Variants in GBP4 observed in about 807,000 individuals in gnomAD.
The protein encoded by GBP4 is guanylate-binding protein 4.
In GBP4, 69 loss-of-function variants were observed where a neutral mutation model predicts 62.2. The observed-to-expected ratio is 1.11, with a 90% CI of 0.91 to 1.36. GBP4 has a LOEUF of 1.36. Among genes scored for constraint, GBP4 ranks in the 40% most tolerant of loss-of-function variants. The pLI, the probability that GBP4 is intolerant of heterozygous loss-of-function variation, is 0.00. For missense variants in GBP4, 697 were observed against 759.3 expected (o/e 0.92, Z 0.96); for synonymous variants, 278 against 274.6 (o/e 1.01, Z -0.12).
rs1647905035 is a variant in GBP4, at chr1:89,182,351, A to T, written c.*2903T>A. Reference sequence around the variant, plus strand: ...AGGGTCATGATTGATTTGAGCAAACAGGCGGTACATGACAGGGGCTGCATG... The same window carrying T: ...AGGGTCATGATTGATTTGAGCAAACTGGCGGTACATGACAGGGGCTGCATG... On this transcript the variant is annotated 3_prime_UTR_variant, in exon 11 of 11. Transcript: ENST00000355754. The T allele has an allele frequency of 6.6e-6, 1 of 152,248 alleles. No homozygotes were observed. Among genetic ancestry groups the T allele is most frequent in the South Asian group, 2.1e-4 (1 of 4,828 alleles). The allele number at this position is 152,248 out of a possible 1,614,324, so 9.4% of individuals were successfully genotyped here. A position where few individuals can be genotyped will look rare whatever the true frequency, so the allele number is the denominator to read the frequency against.
In GBP4 at chr1:89,191,320, T is replaced by G. The variant is rs1394514147; in HGVS notation, c.857A>C (p.Tyr286Ser). 3.2e-5 allele frequency: 52 copies of G among 1,614,090 alleles called. No homozygotes were observed. The highest frequency in any genetic ancestry group is 4.4e-5 in the Non-Finnish European group (52 of 1,180,034). ...FLMQSDNFCS[Y>S]IFTHAKTKTL... The stretch of plus-strand genomic sequence containing the variant: ...CTTGGTCTTTGCATGGGTGAAGATA[T>G]AAGAACAGAAGTTGTCTGATTGCAT... The change falls in exon 6 of 11, where the codon TAT becomes TCT. Residue 286 changes from tyrosine to serine, a missense_variant. Physicochemically the swap from Tyr to Ser is moderately radical, Grantham distance 144 (BLOSUM62 -2). Around this residue, in one of 2 missense-constraint regions of GBP4, gnomAD observed 556 missense variants for 562.7 expected, o/e 0.99. Coordinates refer to ENST00000355754, the MANE Select transcript of GBP4 (RefSeq NM_052941.5).
At position 89,191,261 on chromosome 1, in the gene GBP4, G is replaced by T; in HGVS notation, c.916C>A (p.Arg306=). 6.2e-7 allele frequency: 1 copy of T among 1,610,948 alleles called. No individual in the cohort carries two copies. ...TGCTTTGGGACAAAAAAAGACTCAC[G>T]CTTTCCAGTGACAATGATTCCCTCT... is the stretch of plus-strand genomic sequence containing the variant. ...LREGIIVTGK[R]LGTLVVTYVD... The change falls in exon 6 of 11, where the codon CGG becomes AGG. Residue 306 remains arginine, a splice_region_variant and synonymous_variant. Coordinates refer to ENST00000355754, the MANE Select transcript of GBP4 (RefSeq NM_052941.5).
At chr1:89,198,493 T>C (rs536042478) in intron 1 of GBP4, among the ~76,000 whole-genome samples, 2 of 151,800 alleles carry the variant, frequency 1.3e-5, no homozygotes, top group Non-Finnish European at 2.9e-5. Flanking sequence ...TAGATGATGG[T>C]ATTTCGCAGG....
At chr1:89,196,264 G>A (rs1648339418) in intron 2 of GBP4, among the ~76,000 whole-genome samples, 1 of 152,180 alleles carries the variant, frequency 6.6e-6, no homozygotes. Flanking sequence ...ATAGTAACTA[G>A]AGAAAACTTA....
rs1422706317 is a variant in GBP4, at chr1:89,184,349, A to G, written c.*905T>C. ...AATCCCATTATTCCCAAAGGAATGC[A>G]TATCCCAAGGAAATATAAATCATTG... On this transcript the variant is annotated 3_prime_UTR_variant, in exon 11 of 11. Transcript: ENST00000355754. The G allele has an allele frequency of 6.6e-6, 1 of 152,218 alleles. No individual in the cohort carries two copies. The highest frequency in any genetic ancestry group is 1.5e-5 in the Non-Finnish European group (1 of 68,026). 9.4% of individuals were successfully genotyped at this position (152,218 alleles called of 1,614,324 possible).
intron 3 of GBP4, 88 bp from the exon 4 acceptor site, chr1:89,193,500 T>C: frequency 8.5e-7 from 1 of 1,180,368 alleles, no homozygotes; most frequent in Non-Finnish European, 1.2e-6. Context: ...ATTTCAGCTG[T>C]ATGATAGTTG....
intron 3 of GBP4, 135 bp downstream of exon 3, chr1:89,195,162 T>A (rs775346847): frequency 9.0e-6 from 8 of 886,480 alleles, no homozygotes; most frequent in African/African-American, 1.7e-5. Flanking sequence ...AATAAGGAAG[T>A]CTGAGGAAAC....
At position 89,188,703 on chromosome 1, in the gene GBP4, T is replaced by C. The variant is rs1419587711; in HGVS notation, c.1289A>G (p.Glu430Gly). ...TCTCAAAATGCTTTCTGTCAGGTGC[T>C]CTGAAAGCCGCTTAAGCTCAGCCTG... Reference protein sequence around the residue: ...YCQAELKRLSEHLTESILRGI... With the variant: ...YCQAELKRLSGHLTESILRGI... The change falls in exon 8 of 11, where the codon GAG becomes GGG. Residue 430 changes from glutamate (E) to glycine (G), a missense_variant. Glu to Gly is a moderately conservative substitution (Grantham distance 98, BLOSUM62 -2). This residue lies in a region of GBP4 where 556 missense variants were observed against 562.7 expected (regional missense o/e 0.99). Transcript: ENST00000355754. 6.2e-7 allele frequency: 1 copy of C among 1,614,248 alleles called. No individual in the cohort carries two copies. Among genetic ancestry groups the C allele is most frequent in the South Asian group, 1.1e-5 (1 of 91,086 alleles).
intron 8 of GBP4, among the ~76,000 whole-genome samples, chr1:89,188,286 G>A (rs1226668912): frequency 1.3e-5 from 2 of 152,062 alleles, no homozygotes; most frequent in African/African-American, 4.8e-5. Flanking sequence ...AAACATAGTT[G>A]TTTGCTTCAT....
Position 89,186,387 on chromosome 1 carries a change from C to T in GBP4, c.1653G>A (p.Glu551=). ...YMAQMEKKLE[E]ERENLLREHE... is the part of the protein sequence containing the mutation. ...GCTCTCTGAGAAGGTTTTCCCTTTC[C>T]TCCTCCAACTTCTTCTCCATTTGGG... Residue 551 remains glutamate, a synonymous_variant, in exon 10 of 11, where the codon GAG becomes GAA. Transcript: ENST00000355754. The T allele has an allele frequency of 6.7e-7, 1 of 1,499,386 alleles. No individual in the cohort carries two copies. Among genetic ancestry groups the T allele is most frequent in the Non-Finnish European group, 9.3e-7 (1 of 1,074,500 alleles). The allele number at this position is 1,499,386 out of a possible 1,614,324, so 92.9% of individuals were successfully genotyped here.
chr1:89,191,480 T>G lies in GBP4; in HGVS notation c.697A>C (p.Asn233His). 6.2e-7 allele frequency: 1 copy of G among 1,613,026 alleles called. No individual in the cohort carries two copies. The highest frequency in any genetic ancestry group is 8.5e-7 in the Non-Finnish European group (1 of 1,179,154). The change falls in exon 6 of 11, where the codon AAC becomes CAC. Residue 233 changes from asparagine (N) to histidine (H), a missense_variant. Transcript: ENST00000355754. ...PGKNPKIQNS[N>H]MPRECIRHFF... ...TGCCTGATACACTCTCTAGGCATGT[T>G]TGAATTTTGAATTTTGGGATTCTTG...
chr1:89,188,458 T>C (rs1648095730), intron 8 of GBP4, 124 bp downstream of exon 8: 1 of 773,742 alleles, frequency 1.3e-6, no homozygotes, highest in South Asian at 1.7e-5. Context: ...ACTAAAAAAC[T>C]CAAAATAGCA....
At chr1:89,187,225 C>A in intron 8 of GBP4, 123 bp from the exon 9 acceptor site, 1 of 753,174 alleles carries the variant, frequency 1.3e-6, no homozygotes, top group Non-Finnish European at 2.2e-6. Context: ...TCTTAAGATC[C>A]AGTGGTTTCT....
intron 3 of GBP4, 94 bp downstream of exon 3, chr1:89,195,203 T>C (rs1648297226): frequency 1.6e-6 from 2 of 1,260,864 alleles, no homozygotes; most frequent in East Asian, 2.4e-5. Flanking sequence ...ATAATTAGAT[T>C]TGAGTTTACA....
intron 8 of GBP4, among the ~76,000 whole-genome samples, chr1:89,187,564 T>C (rs1648068138): frequency 6.6e-6 from 1 of 152,070 alleles, no homozygotes; most frequent in Non-Finnish European, 1.5e-5. Context: ...AAGAAAACAC[T>C]TGCACACCAT....
intron 3 of GBP4, among the ~76,000 whole-genome samples, chr1:89,193,771 T>G (rs1423813577): frequency 6.6e-6 from 1 of 152,198 alleles, no homozygotes; most frequent in Non-Finnish European, 1.5e-5. Context: ...AACTTTACAT[T>G]GTGTATCTGA....
rs1027464721 is a variant in GBP4, at chr1:89,184,977, T to C, written c.*277A>G. The C allele has an allele frequency of 3.6e-6, 1 of 275,430 alleles. No individual in the cohort carries two copies. 17.1% of individuals were successfully genotyped at this position (275,430 alleles called of 1,614,324 possible). A position where few individuals can be genotyped will look rare whatever the true frequency, so the allele number is the denominator to read the frequency against. On this transcript the variant is annotated 3_prime_UTR_variant, in exon 11 of 11. Transcript: ENST00000355754. ...CAAATGGTTAATGGCTTCTTAATCT[T>C]ACCAGTTGTCTTTTTGCTTTCCTTA...
chr1:89,186,898 C>T, intron 9 of GBP4, 102 bp downstream of exon 9: 1 of 1,058,430 alleles, frequency 9.4e-7, no homozygotes, highest in Non-Finnish European at 1.4e-6. Flanking sequence ...ATGTTTGTGA[C>T]TTTTGAAGCT....
At chr1:89,188,874 A>G in intron 7 of GBP4, 80 bp from the exon 8 acceptor site, 1 of 1,424,516 alleles carries the variant, frequency 7.0e-7, no homozygotes, top group Non-Finnish European at 9.9e-7. Flanking sequence ...TGGAAGAAGT[A>G]GTCTGAAGGC....
Sources: gnomAD v4.1 joint callset for allele counts (sites outside exome capture counted in the v4.1 genomes callset) on GRCh38, gnomAD v4.1.1 for gene constraint, gnomAD v4.1.1 regional missense constraint, MANE v1.5 for transcripts, NCBI Gene and HGNC (gene_info 2026-07-23, HGNC 2026-07-21) for gene names.